The following NRXN3 variants were observed in gnomAD, a reference collection of about 807,000 sequenced individuals.
The protein encoded by NRXN3 is neurexin 3, also known as neurexin III.
A neutral mutation model predicts 137.6 loss-of-function variants in NRXN3; 32 were observed. The observed-to-expected ratio is 0.23, with a 90% CI of 0.18 to 0.31. The LOEUF (loss-of-function observed/expected upper bound fraction) is 0.31, where lower values mean the gene tolerates loss of function less well. Among genes scored for constraint, NRXN3 ranks in the 10% least tolerant of loss-of-function variants. NRXN3 has a pLI of 1.00. For synonymous variants in NRXN3, 798 were observed against 784.5 expected (o/e 1.02, Z -0.29); for missense variants, 1,574 against 2,062.5 (o/e 0.76, Z 4.59).
At chr14:79,830,282 A>G (rs2099319005) in intron 20 of NRXN3, among the ~76,000 whole-genome samples, 1 of 152,222 alleles carries the variant, frequency 6.6e-6, no homozygotes. Flanking sequence ...ATTTCTGGAA[A>G]AAAAGGAATG....
chr14:79,269,271 G>A (rs926761236), intron 15 of NRXN3, among the ~76,000 whole-genome samples: 4 of 152,006 alleles, frequency 2.6e-5, no homozygotes, highest in East Asian at 1.9e-4. Flanking sequence ...GGATTGTCTC[G>A]ATCTCCTGAC....
At chr14:78,292,404 T>A (rs2075889041) in intron 3 of NRXN3, among the ~76,000 whole-genome samples, 1 of 152,204 alleles carries the variant, frequency 6.6e-6, no homozygotes, top group Non-Finnish European at 1.5e-5. Flanking sequence ...TTTCTCCTCT[T>A]ATTCCTCTAT....
At chr14:78,965,497 G>C (rs1009106862) in intron 11 of NRXN3, among the ~76,000 whole-genome samples, 3 of 152,066 alleles carry the variant, frequency 2.0e-5, no homozygotes, top group African/African-American at 7.2e-5. Flanking sequence ...CAAGAGGGGT[G>C]GGTAGCTTCC....
intron 10 of NRXN3, among the ~76,000 whole-genome samples, chr14:78,953,526 G>T (rs1354196969): frequency 3.9e-5 from 6 of 152,164 alleles, no homozygotes; most frequent in Non-Finnish European, 8.8e-5. Flanking sequence ...GAGCATTTGG[G>T]TGGTATTATT....
rs573631311 is a variant in NRXN3 at position 78,729,452 on chromosome 14, A to G, written c.2044+14313A>G. Among the ~76,000 whole-genome samples the G allele has an allele frequency of 4.4e-4, 67 of 152,336 alleles. 1 individual carries two copies. The highest frequency in any genetic ancestry group is 1.6e-3 in the African/African-American group (67 of 41,588). On this transcript the variant is annotated intron_variant, in intron 8 of 20. Coordinates refer to ENST00000335750, the MANE Select transcript of NRXN3 (RefSeq NM_001330195.2). Reference sequence around the variant, plus strand: ...TTTCCAAGGGGCAAACATGAGAAATACATTGGGATGGAAGCTGTCCATTTG... The same window carrying G: ...TTTCCAAGGGGCAAACATGAGAAATGCATTGGGATGGAAGCTGTCCATTTG...
intron 19 of NRXN3, among the ~76,000 whole-genome samples, chr14:79,724,440 C>T (rs539606469): frequency 6.6e-6 from 1 of 152,196 alleles, no homozygotes; most frequent in Admixed American, 6.5e-5. Context: ...CTCTTCTCTC[C>T]CTGCCCCACA....
intron 16 of NRXN3, among the ~76,000 whole-genome samples, chr14:79,526,954 C>T (rs1455781673): frequency 6.6e-6 from 1 of 152,060 alleles, no homozygotes; most frequent in Non-Finnish European, 1.5e-5. Context: ...AGAGATGCCC[C>T]AAGGCAATAC....
At chr14:79,229,402 G>A (rs575670642) in intron 15 of NRXN3, among the ~76,000 whole-genome samples, 2 of 152,274 alleles carry the variant, frequency 1.3e-5, no homozygotes, top group African/African-American at 4.8e-5. Context: ...ACAGCCCCGG[G>A]AAACTTCAGT....
At chr14:78,771,755 C>T (rs2098728801) in intron 8 of NRXN3, among the ~76,000 whole-genome samples, 1 of 152,184 alleles carries the variant, frequency 6.6e-6, no homozygotes, top group Non-Finnish European at 1.5e-5. Flanking sequence ...CTGTAACACC[C>T]ACTCATTCTT....
intron 2 of NRXN3, among the ~76,000 whole-genome samples, chr14:78,250,946 C>CAGAG (rs142667374): frequency 3.4e-3 from 504 of 147,642 alleles, no homozygotes; most frequent in African/African-American, 8.1e-3. Context: ...TCCTTCTAGC[C>CAGAG]AGAGAGAGAG....
intron 20 of NRXN3, among the ~76,000 whole-genome samples, chr14:79,859,200 T>G (rs1241085269): frequency 6.6e-6 from 1 of 152,184 alleles, no homozygotes; most frequent in Non-Finnish European, 1.5e-5. Context: ...GAGATGACAC[T>G]GCAACATTCT....
chr14:78,460,849 A>T (rs1191208720), intron 4 of NRXN3, among the ~76,000 whole-genome samples: 1 of 152,098 alleles, frequency 6.6e-6, no homozygotes, highest in Non-Finnish European at 1.5e-5. Context: ...CTCTGAAGAT[A>T]ATTCAGCAGT....
intron 19 of NRXN3, among the ~76,000 whole-genome samples, chr14:79,744,002 A>G (rs1306967840): frequency 1.3e-5 from 2 of 152,200 alleles, no homozygotes; most frequent in Non-Finnish European, 2.9e-5. Context: ...TGAACACATT[A>G]TTTTAATATA....
intron 15 of NRXN3, among the ~76,000 whole-genome samples, chr14:79,206,236 C>G (rs1202302356): frequency 1.3e-5 from 2 of 152,174 alleles, no homozygotes; most frequent in Non-Finnish European, 2.9e-5. Flanking sequence ...ATGGTGCCTA[C>G]TATGCCAGAC....
At chr14:78,829,775 A>G (rs995625645) in intron 10 of NRXN3, among the ~76,000 whole-genome samples, 3 of 152,202 alleles carry the variant, frequency 2.0e-5, no homozygotes, top group Non-Finnish European at 4.4e-5. Context: ...TCTAAATAAA[A>G]CACCCTGAGT....
intron 2 of NRXN3, among the ~76,000 whole-genome samples, chr14:78,247,520 G>A (rs768082480): frequency 2.6e-5 from 4 of 152,198 alleles, no homozygotes; most frequent in East Asian, 1.9e-4. Context: ...TGGGTGTTAT[G>A]TCTATAAATA....
At chr14:78,974,043 A>T (rs543802612) in intron 14 of NRXN3, among the ~76,000 whole-genome samples, 1 of 152,094 alleles carries the variant, frequency 6.6e-6, no homozygotes, top group East Asian at 1.9e-4. Context: ...AGATTCACAT[A>T]TATTTTAATA....
chr14:79,397,118 G>A (rs2095049236), intron 15 of NRXN3, among the ~76,000 whole-genome samples: 1 of 152,116 alleles, frequency 6.6e-6, no homozygotes, highest in Admixed American at 6.5e-5. Context: ...TTGGAAAATA[G>A]GGATTTTTCC....
At chr14:79,514,326 T>C (rs1297116804) in intron 16 of NRXN3, among the ~76,000 whole-genome samples, 1 of 151,968 alleles carries the variant, frequency 6.6e-6, no homozygotes, top group African/African-American at 2.4e-5. Context: ...AATTCAAGCC[T>C]CTCTCTAAAA....
Sources: gnomAD v4.1 joint callset for allele counts (sites outside exome capture counted in the v4.1 genomes callset) on GRCh38, gnomAD v4.1.1 for gene constraint, MANE v1.5 for transcripts, NCBI Gene and HGNC (gene_info 2026-07-23, HGNC 2026-07-21) for gene names.